The following RRP1B variants were observed in gnomAD, a reference collection of about 807,000 sequenced individuals.
RRP1B encodes ribosomal RNA processing 1B.
In RRP1B, 56 loss-of-function variants were observed where a neutral mutation model predicts 80.2. The observed-to-expected ratio is 0.70, with a 90% CI of 0.56 to 0.87. The LOEUF is 0.87. Ranked by LOEUF, RRP1B falls within the 40% of genes least tolerant of loss-of-function variation. The pLI is 0.00. For synonymous variants in RRP1B, 351 were observed against 357.6 expected, an observed-to-expected ratio of 0.98 and a Z score of 0.21; for missense variants, 807 against 939.8, an observed-to-expected ratio of 0.86 and a Z score of 1.85.
intron 13 of RRP1B, among the ~76,000 whole-genome samples, chr21:43,689,367 C>T (rs2083077286): frequency 1.3e-5 from 2 of 152,210 alleles, no homozygotes; most frequent in Non-Finnish European, 2.9e-5. Context: ...CCTGGTGAAG[C>T]GCTGGTTTGG....
intron 8 of RRP1B, among the ~76,000 whole-genome samples, chr21:43,679,144 A>G (rs1436163740): frequency 2.0e-5 from 3 of 151,178 alleles, no homozygotes; most frequent in African/African-American, 7.3e-5. Flanking sequence ...CCATGCCATT[A>G]TGGTGACTAT....
rs542738752 is a variant in RRP1B, at chr21:43,693,109, C to A, written c.2084-81C>A. 9 of 1,483,484 alleles carry A rather than the reference C, an allele frequency of 6.1e-6. No homozygotes were observed. The South Asian group carries it at 1.1e-4, about 18-fold the overall frequency. The allele number at this position is 1,483,484 out of a possible 1,614,324, so 91.9% of individuals were successfully genotyped here. A position where few individuals can be genotyped will look rare whatever the true frequency, so the allele number is the denominator to read the frequency against. ...CCTAGCAAGTGGGTGGGGTCGGCACCCAGGCAGGACGCTGTCTAAGGTGTT... is the reference window on the plus strand; with the variant it reads ...CCTAGCAAGTGGGTGGGGTCGGCACACAGGCAGGACGCTGTCTAAGGTGTT... On this transcript the variant is annotated intron_variant, in intron 15 of 15. Coordinates refer to ENST00000340648, the MANE Select transcript of RRP1B (RefSeq NM_015056.3). This position sits in a 1 kb window ranked among gnomAD's most constrained non-coding sequence, Gnocchi z 4.1.
rs545626005 is a variant in RRP1B, at chr21:43,660,539, G to A, written c.130+745G>A. Reference sequence around the variant, plus strand: ...ATCGCAGCATTGCACTCCGGCCTGGGCAACAAGAGCGAAACTCCGTCTCAA... The same window carrying A: ...ATCGCAGCATTGCACTCCGGCCTGGACAACAAGAGCGAAACTCCGTCTCAA... On this transcript the variant is annotated intron_variant, in intron 1 of 15. Coordinates refer to ENST00000340648, the MANE Select transcript of RRP1B (RefSeq NM_015056.3). 3.1e-4 allele frequency among the ~76,000 whole-genome samples: 47 copies of A among 152,306 alleles called. No individual in the cohort carries two copies. In the South Asian group the frequency reaches 8.5e-3, roughly 28 times the overall value.
At chr21:43,679,425 C>T (rs187068677) in intron 8 of RRP1B, among the ~76,000 whole-genome samples, 92 of 152,036 alleles carry the variant, frequency 6.1e-4, no homozygotes, top group African/African-American at 2.1e-3. Context: ...GGTGCCACCA[C>T]GCCCAGCTAA....
intron 12 of RRP1B, among the ~76,000 whole-genome samples, chr21:43,687,256 T>C (rs975805432): frequency 1.3e-5 from 2 of 151,898 alleles, no homozygotes; most frequent in African/African-American, 4.8e-5. Context: ...GCCCTAAAAT[T>C]AGTGGAAATG....
chr21:43,693,475 GTAAGTTCCCA>G lies in RRP1B; in HGVS notation c.*99_*108del. ...AATGTGGGGCCTTTTTTATGATTTT[GTAAGTTCCCA>G]TAAGTTGTGTGCACGAGGTTCTGAG... On this transcript the variant is annotated 3_prime_UTR_variant, in exon 16 of 16. Transcript: ENST00000340648. The surrounding 1 kb of genome is among the most constrained non-coding windows in gnomAD (Gnocchi z 4.1). 2 of 1,285,512 alleles carry G rather than the reference GTAAGTTCCCA, an allele frequency of 1.6e-6. No individual in the cohort carries two copies. The highest frequency in any genetic ancestry group is 3.3e-5 in the South Asian group (2 of 60,592). The allele number at this position is 1,285,512 out of a possible 1,614,324, so 79.6% of individuals were successfully genotyped here.
intron 14 of RRP1B, among the ~76,000 whole-genome samples, chr21:43,690,903 A>G (rs2838351): frequency 0.7 from 106,885 of 152,084 alleles, 39,116 homozygotes; most frequent in African/African-American, 0.9. Context: ...CAGATAGCTC[A>G]GAGTCCTTGT....
intron 1 of RRP1B, among the ~76,000 whole-genome samples, chr21:43,660,895 A>G (rs937238192): frequency 1.3e-5 from 2 of 152,218 alleles, no homozygotes; most frequent in Non-Finnish European, 2.9e-5. Context: ...TGATCCAAAA[A>G]TACTTTCTAT....
rs1568962298 is a variant in RRP1B at position 43,693,417 on chromosome 21, T to G, written c.*34T>G. ...AGAGTCCCTTGTAAAAGACTGCTTT[T>G]GTACAGAATGCGCTATAAATTATAC... On this transcript the variant is annotated 3_prime_UTR_variant, in exon 16 of 16. Coordinates refer to ENST00000340648, the MANE Select transcript of RRP1B (RefSeq NM_015056.3). This position sits in a 1 kb window ranked among gnomAD's most constrained non-coding sequence, Gnocchi z 4.1. The G allele has an allele frequency of 6.7e-7, 1 of 1,484,838 alleles. No homozygotes were observed. Among genetic ancestry groups the G allele is most frequent in the Admixed American group, 2.7e-5 (1 of 37,576 alleles). 92.0% of individuals were successfully genotyped at this position (1,484,838 alleles called of 1,614,324 possible).
At chr21:43,676,223 C>T in intron 6 of RRP1B, 49 bp from the exon 7 acceptor site, 2 of 1,364,030 alleles carry the variant, frequency 1.5e-6, no homozygotes. Context: ...AAGGACATGT[C>T]AAGAAGGGAA....
intron 2 of RRP1B, among the ~76,000 whole-genome samples, chr21:43,671,299 T>C (rs1422082222): frequency 6.6e-6 from 1 of 152,012 alleles, no homozygotes; most frequent in African/African-American, 2.4e-5. Flanking sequence ...CCCCAGCATC[T>C]CACCTCTGTG....
intron 15 of RRP1B, among the ~76,000 whole-genome samples, chr21:43,692,870 T>C (rs1258309617): frequency 6.6e-6 from 1 of 152,152 alleles, no homozygotes; most frequent in Non-Finnish European, 1.5e-5. Flanking sequence ...CAGACACAAA[T>C]GCCTGGTTCA....
At chr21:43,666,317 A>C (rs2082977812) in intron 1 of RRP1B, among the ~76,000 whole-genome samples, 1 of 152,250 alleles carries the variant, frequency 6.6e-6, no homozygotes, top group Non-Finnish European at 1.5e-5. Context: ...AGCCTGTCTG[A>C]GAATGGAGAC....
rs1261076121 is a variant in RRP1B at position 43,695,929 on chromosome 21, T to C, written c.*2546T>C. 1 of 152,236 alleles carries C rather than the reference T, an allele frequency of 6.6e-6. No homozygotes were observed. The highest frequency in any genetic ancestry group is 2.4e-5 in the African/African-American group (1 of 41,450). The allele number at this position is 152,236 out of a possible 1,614,324, so 9.4% of individuals were successfully genotyped here. On this transcript the variant is annotated 3_prime_UTR_variant, in exon 16 of 16. Coordinates refer to ENST00000340648, the MANE Select transcript of RRP1B (RefSeq NM_015056.3). ...TGTTGGGAGGAAGATGAAATCGAGC[T>C]GTCTTTTAACTTTTGTATGTGTTTT...
chr21:43,686,676 T>A, intron 11 of RRP1B, 128 bp from the exon 12 acceptor site: 1 of 1,074,742 alleles, frequency 9.3e-7, no homozygotes, highest in Non-Finnish European at 1.3e-6. Context: ...AGCGCTCAGG[T>A]TTGGGTGGGA....
intron 1 of RRP1B, among the ~76,000 whole-genome samples, chr21:43,665,854 C>T (rs1389373530): frequency 2.0e-5 from 3 of 152,154 alleles, no homozygotes; most frequent in Admixed American, 6.5e-5. Flanking sequence ...TGCAGAGCCT[C>T]GAGCCAAATA....
At chr21:43,662,027 T>C (rs1387231464) in intron 1 of RRP1B, among the ~76,000 whole-genome samples, 2 of 152,258 alleles carry the variant, frequency 1.3e-5, no homozygotes, top group African/African-American at 4.8e-5. Flanking sequence ...TAATTATCAA[T>C]GTGTCATCCT....
At chr21:43,675,703 C>A (rs2083018995) in intron 6 of RRP1B, among the ~76,000 whole-genome samples, 1 of 152,034 alleles carries the variant, frequency 6.6e-6, no homozygotes. Context: ...CCCTGTTACC[C>A]CTCTTGTAGA....
At chr21:43,675,298 G>A in intron 6 of RRP1B, 135 bp downstream of exon 6, 1 of 790,582 alleles carries the variant, frequency 1.3e-6, no homozygotes, top group South Asian at 1.7e-5. Context: ...AGTCCTGTCT[G>A]GGAATGTGTC....
Sources: allele counts gnomAD v4.1 joint callset (sites outside exome capture counted in the v4.1 genomes callset), GRCh38; gene constraint gnomAD v4.1.1; non-coding constraint Gnocchi (gnomAD v3.1); transcripts MANE v1.5; gene names NCBI Gene and HGNC (gene_info 2026-07-23, HGNC 2026-07-21).